SERINC5: variants seen among roughly 807,000 people sequenced by gnomAD.
SERINC5 encodes the protein chromosome 5 open reading frame 12.
SERINC5 carries 41 observed loss-of-function variants against 63.1 expected under a neutral mutation model. The ratio of observed to expected loss-of-function variants is 0.65; its 90% CI spans 0.51 to 0.84. SERINC5 has a LOEUF of 0.84. SERINC5 is among the 40% of genes least tolerant of loss of function. The pLI is 0.00. For synonymous variants in SERINC5, 222 were observed against 215.2 expected (o/e 1.03, Z -0.28); for missense variants, 523 against 573.0 (o/e 0.91, Z 0.89).
chr5:80,183,800 C>G (rs1268522304), intron 2 of SERINC5, among the ~76,000 whole-genome samples: 6 of 152,116 alleles, frequency 3.9e-5, no homozygotes, highest in Non-Finnish European at 7.3e-5. Context: ...CCTTCGCTGA[C>G]TCTCTTTTCG....
At chr5:80,220,375 C>T (rs945168323) in intron 1 of SERINC5, among the ~76,000 whole-genome samples, 5 of 152,180 alleles carry the variant, frequency 3.3e-5, no homozygotes, top group East Asian at 1.9e-4. Context: ...CACAATGGAC[C>T]TCAATGCCAG....
intron 2 of SERINC5, among the ~76,000 whole-genome samples, chr5:80,191,888 G>A (rs1358751710): frequency 6.6e-6 from 1 of 152,132 alleles, no homozygotes; most frequent in East Asian, 1.9e-4. Flanking sequence ...ACAATGTTCA[G>A]GTCACTGACG....
At chr5:80,229,999 G>C (rs879560270) in intron 1 of SERINC5, among the ~76,000 whole-genome samples, 1 of 152,154 alleles carries the variant, frequency 6.6e-6, no homozygotes, top group Non-Finnish European at 1.5e-5. Flanking sequence ...CAAAGCACTA[G>C]CATCTCATTT....
chr5:80,233,608 T>C (rs1411862993), intron 1 of SERINC5, among the ~76,000 whole-genome samples: 1 of 152,064 alleles, frequency 6.6e-6, no homozygotes, highest in Non-Finnish European at 1.5e-5. Flanking sequence ...GGACTTTTTT[T>C]TTGAACACTT....
intron 1 of SERINC5, among the ~76,000 whole-genome samples, chr5:80,209,012 T>G (rs58066027): frequency 6.6e-6 from 1 of 152,176 alleles, no homozygotes; most frequent in Non-Finnish European, 1.5e-5. Context: ...GGATCACGCA[T>G]GTAATCCCAA....
chr5:80,255,914 A>G lies in SERINC5; in HGVS notation c.9T>C (p.Ala3=). The change falls in exon 1 of 12, where the codon GCT becomes GCC. Residue 3 remains alanine (A), a synonymous_variant. Coordinates refer to ENST00000507668, the MANE Select transcript of SERINC5 (RefSeq NM_001174072.3). ...CGCTCACCTGGCCCGCACAGCACTG[A>G]GCTGACATCGCGGCGGCCAATGCCG... MS[A]QCCAGQLACC... is the part of the protein sequence containing the mutation. 1 of 1,571,842 alleles carries G rather than the reference A, an allele frequency of 6.4e-7. No homozygotes were observed. The highest frequency in any genetic ancestry group is 2.4e-5 in the East Asian group (1 of 40,850).
intron 6 of SERINC5, among the ~76,000 whole-genome samples, chr5:80,168,485 A>T (rs1340344739): frequency 3.3e-5 from 5 of 152,150 alleles, no homozygotes; most frequent in African/African-American, 1.2e-4. Flanking sequence ...ACAGGCATGA[A>T]CAACTGCGCC....
At chr5:80,125,679 G>T (rs1180488032) in intron 11 of SERINC5, among the ~76,000 whole-genome samples, 2 of 152,160 alleles carry the variant, frequency 1.3e-5, no homozygotes, top group African/African-American at 4.8e-5. Flanking sequence ...ATGGATTGGG[G>T]ACGTCCGATG....
intron 12 of SERINC5, chr5:80,111,767 A>G (rs1185042629): frequency 6.6e-6 from 1 of 152,188 alleles, no homozygotes; most frequent in Non-Finnish European, 1.5e-5. Flanking sequence ...TTAGAAAAGG[A>G]AGACTTAAGA....
At chr5:80,132,487 T>C (rs2112258740) in intron 11 of SERINC5, among the ~76,000 whole-genome samples, 1 of 152,284 alleles carries the variant, frequency 6.6e-6, no homozygotes, top group South Asian at 2.1e-4. Context: ...AATCTGCTTG[T>C]AACCACCCCA....
At chr5:80,216,804 A>G (rs1357558780) in intron 1 of SERINC5, among the ~76,000 whole-genome samples, 2 of 152,042 alleles carry the variant, frequency 1.3e-5, no homozygotes, top group Non-Finnish European at 2.9e-5. Flanking sequence ...TGAGTCCAGG[A>G]GTTTGAGACC....
chr5:80,135,765 C>T (rs568753881), downstream of SERINC5, among the ~76,000 whole-genome samples: 6 of 151,280 alleles, frequency 4.0e-5, no homozygotes, highest in African/African-American at 1.2e-4. Flanking sequence ...ATGATAGAAG[C>T]ATAGTTTTTG....
chr5:80,179,819 G>C (rs1245628878), intron 2 of SERINC5, among the ~76,000 whole-genome samples: 1 of 152,234 alleles, frequency 6.6e-6, no homozygotes, highest in Non-Finnish European at 1.5e-5. Context: ...TATTCAACCA[G>C]TATCTACATT....
chr5:80,194,595 G>C (rs938986079), intron 2 of SERINC5, among the ~76,000 whole-genome samples: 2 of 152,126 alleles, frequency 1.3e-5, no homozygotes, highest in African/African-American at 2.4e-5. Context: ...CAGAATAACA[G>C]TCATCCCTTG....
chr5:80,235,896 T>G lies in SERINC5; in HGVS notation c.27+20000A>C, dbSNP rs187717107. Among the ~76,000 whole-genome samples the G allele has an allele frequency of 6.7e-3, 1,020 of 152,374 alleles. 5 individuals carry two copies. The highest frequency in any genetic ancestry group is 0.027 in the Middle Eastern group (8 of 294). On this transcript the variant is annotated intron_variant, in intron 1 of 11. Coordinates refer to ENST00000507668, the MANE Select transcript of SERINC5 (RefSeq NM_001174072.3). The stretch of plus-strand genomic sequence containing the variant: ...ACTTTCTGTTGATTTATAAGAACAC[T>G]GTGCAAATTAAGGCAAGTGGATCCC...
intron 1 of SERINC5, among the ~76,000 whole-genome samples, chr5:80,208,353 G>A (rs953704200): frequency 4.9e-5 from 7 of 141,786 alleles, no homozygotes; most frequent in African/African-American, 1.6e-4. Flanking sequence ...TAATTGTGCT[G>A]TGAACCTAAA....
At chr5:80,115,071 G>T (rs1250764858) in intron 11 of SERINC5, among the ~76,000 whole-genome samples, 1 of 151,974 alleles carries the variant, frequency 6.6e-6, no homozygotes, top group Non-Finnish European at 1.5e-5. Flanking sequence ...TAGGGAAAGT[G>T]GAGCCACCCA....
chr5:80,178,879 C>T (rs1408260885), intron 2 of SERINC5, among the ~76,000 whole-genome samples: 1 of 152,038 alleles, frequency 6.6e-6, no homozygotes, highest in Non-Finnish European at 1.5e-5. Flanking sequence ...AACACACTCA[C>T]ATATACATAT....
chr5:80,233,560 A>G (rs1348038982), intron 1 of SERINC5, among the ~76,000 whole-genome samples: 5 of 152,210 alleles, frequency 3.3e-5, no homozygotes, highest in African/African-American at 1.2e-4. Context: ...AAGTGTGGAC[A>G]TCTCTCCAAT....
Sources: allele counts gnomAD v4.1 joint callset (sites outside exome capture counted in the v4.1 genomes callset), GRCh38; gene constraint gnomAD v4.1.1; transcripts MANE v1.5; gene names NCBI Gene and HGNC (gene_info 2026-07-23, HGNC 2026-07-21).